CFAP92: variants seen among roughly 807,000 people sequenced by gnomAD.
CFAP92 encodes the protein cilia and flagella associated protein 92 (putative), also known as uncharacterized protein CFAP92.
In CFAP92, 86 loss-of-function variants were observed where a neutral mutation model predicts 106.3. The observed-to-expected ratio is 0.81, with a 90% CI of 0.68 to 0.97. The LOEUF (loss-of-function observed/expected upper bound fraction) is 0.97. Ranked by LOEUF, CFAP92 falls within the 50% of genes least tolerant of loss-of-function variation. The pLI, the probability that CFAP92 is intolerant of heterozygous loss-of-function variation, is 0.00. For missense variants in CFAP92, 1,204 were observed against 1,283.8 expected (o/e 0.94, Z 0.95); for synonymous variants, 477 against 506.4 (o/e 0.94, Z 0.78).
chr3:128,992,635 C>A (rs1340417983), intron 2 of CFAP92, among the ~76,000 whole-genome samples: 2 of 151,748 alleles, frequency 1.3e-5, no homozygotes, highest in Non-Finnish European at 2.9e-5. Flanking sequence ...AGTGCAATGG[C>A]GTGATCTCTG....
At chr3:128,981,102 T>A (rs1943503402) in intron 4 of CFAP92, among the ~76,000 whole-genome samples, 1 of 151,366 alleles carries the variant, frequency 6.6e-6, no homozygotes, top group Admixed American at 6.6e-5. Context: ...AGTGGTGCGA[T>A]CTCGGCTCAT....
In CFAP92 at chr3:128,935,166, C is replaced by T. The variant is rs1162959833; in HGVS notation, c.2412G>A (p.Leu804=). The T allele has an allele frequency of 1.3e-6, 2 of 1,535,410 alleles. No homozygotes were observed. The highest frequency in any genetic ancestry group is 1.7e-6 in the Non-Finnish European group (2 of 1,146,420). ...ELLLQQAVFF[L]RDTERRRVFQ... is the part of the protein sequence containing the mutation. The stretch of plus-strand genomic sequence containing the variant: ...AGACCCGCCTCCGCTCAGTGTCTCG[C>T]AGGAAGAACACCGCCTGCTGCAGCA... Residue 804 remains leucine (L), a synonymous_variant, in exon 11 of 16, where the codon CTG becomes CTA. Coordinates refer to ENST00000645291, the MANE Select transcript of CFAP92 (RefSeq NM_001394090.1).
chr3:128,998,737 G>A (rs141058686), upstream of CFAP92, among the ~76,000 whole-genome samples: 18 of 152,306 alleles, frequency 1.2e-4, no homozygotes, highest in Non-Finnish European at 1.8e-4. Context: ...CTCTGGAGCA[G>A]TGTCTGCAAA....
chr3:129,004,065 T>A, upstream of CFAP92: 1 of 1,509,326 alleles, frequency 6.6e-7, no homozygotes, highest in South Asian at 1.2e-5. Context: ...GAGGCGGAGC[T>A]GCAACGCTAC....
intron 12 of CFAP92, among the ~76,000 whole-genome samples, chr3:128,932,409 T>G (rs1165289935): frequency 6.9e-6 from 1 of 144,714 alleles, no homozygotes; most frequent in African/African-American, 2.7e-5. Flanking sequence ...GCCACAGTTC[T>G]TTCTCTACAA....
At position 128,945,810 on chromosome 3, in the gene CFAP92, T is replaced by TG. The variant is rs1269830199; in HGVS notation, c.1518dup (p.Met507HisfsTer48). 1.6e-5 allele frequency: 24 copies of TG among 1,523,688 alleles called. No individual in the cohort carries two copies. In the East Asian group the frequency reaches 3.2e-4, roughly 20 times the overall value. The allele number at this position is 1,523,688 out of a possible 1,614,324, so 94.4% of individuals were successfully genotyped here. ...TCCCGGTCGTGAACTTCCACCACCA[T>TG]GGGGGGGCCCTCCAGGTATTCCCTT... is the stretch of plus-strand genomic sequence containing the variant. On this transcript the variant is annotated frameshift_variant, in exon 10 of 16. Transcript: ENST00000645291. LOFTEE classifies it high-confidence loss of function.
At chr3:128,947,786 A>G (rs1940375716) in intron 9 of CFAP92, among the ~76,000 whole-genome samples, 1 of 152,192 alleles carries the variant, frequency 6.6e-6, no homozygotes, top group South Asian at 2.1e-4. Context: ...TCAACGAGCT[A>G]CAACTGCACC....
rs1017470374 is a variant in CFAP92, at chr3:128,987,477, G to A, written c.667+139C>T. On this transcript the variant is annotated intron_variant, in intron 4 of 15. Coordinates refer to ENST00000645291, the MANE Select transcript of CFAP92 (RefSeq NM_001394090.1). ...TCCTGTCACCACAGCATGGCCTGGT[G>A]GGATGCCCTGCAACATCTGCAAAAC... 7 of 696,242 alleles carry A rather than the reference G, an allele frequency of 1.0e-5. No individual in the cohort carries two copies. The Admixed American group carries it at 1.1e-4, about 11-fold the overall frequency. The allele number at this position is 696,242 out of a possible 1,614,324, so 43.1% of individuals were successfully genotyped here. A position where few individuals can be genotyped will look rare whatever the true frequency, so the allele number is the denominator to read the frequency against.
chr3:128,974,255 G>A (rs984041670), intron 7 of CFAP92, among the ~76,000 whole-genome samples: 2 of 152,218 alleles, frequency 1.3e-5, no homozygotes, highest in African/African-American at 2.4e-5. Flanking sequence ...GGAGAGATGA[G>A]GAAATGATCT....
chr3:128,984,082 G>A (rs1943699072), intron 4 of CFAP92, among the ~76,000 whole-genome samples: 1 of 152,228 alleles, frequency 6.6e-6, no homozygotes, highest in Non-Finnish European at 1.5e-5. Context: ...AGGTGGGGGT[G>A]CCCAGAATTG....
intron 12 of CFAP92, among the ~76,000 whole-genome samples, chr3:128,920,655 G>A (rs368061953): frequency 5.3e-5 from 8 of 152,082 alleles, no homozygotes; most frequent in Admixed American, 1.3e-4. Flanking sequence ...GAACATGTCC[G>A]GCGTCCAGGG....
intron 9 of CFAP92, among the ~76,000 whole-genome samples, chr3:128,964,011 A>G (rs1449851575): frequency 6.6e-6 from 1 of 152,192 alleles, no homozygotes; most frequent in Non-Finnish European, 1.5e-5. Flanking sequence ...AGGGTCTGAG[A>G]AGGCCACCGC....
intron 8 of CFAP92, chr3:128,967,862 C>T (rs188349473): frequency 6.6e-6 from 1 of 152,328 alleles, no homozygotes; most frequent in East Asian, 1.9e-4. Context: ...TTGGGGCAGA[C>T]CATTCTTTGC....
At chr3:128,927,615 T>G (rs1023491991) in intron 12 of CFAP92, among the ~76,000 whole-genome samples, 1 of 151,016 alleles carries the variant, frequency 6.6e-6, no homozygotes, top group Admixed American at 6.6e-5. Flanking sequence ...TCCCAGCTAC[T>G]CAGGAAGCTG....
chr3:128,970,773 A>G (rs1356117570), intron 8 of CFAP92: 1 of 154,468 alleles, frequency 6.5e-6, no homozygotes, highest in Admixed American at 6.5e-5. Flanking sequence ...TCACTGAAAA[A>G]AATGGTAACT....
At position 128,993,229 on chromosome 3, in the gene CFAP92, G is replaced by C; in HGVS notation, c.76C>G (p.Gln26Glu). 6.2e-7 allele frequency: 1 copy of C among 1,614,040 alleles called. No individual in the cohort carries two copies. Among genetic ancestry groups the C allele is most frequent in the Non-Finnish European group, 8.5e-7 (1 of 1,179,880 alleles). The change falls in exon 2 of 16, where the codon CAG becomes GAG. Residue 26 changes from glutamine (Q) to glutamate (E), a missense_variant. Gln to Glu is a conservative substitution (Grantham distance 29, BLOSUM62 2). Coordinates refer to ENST00000645291, the MANE Select transcript of CFAP92 (RefSeq NM_001394090.1). ...TCCACGTCACACTCGCTCGTGGACTGGTAAAAGCTAGTGATGGAGGAGATG... is the reference window on the plus strand; with the variant it reads ...TCCACGTCACACTCGCTCGTGGACTCGTAAAAGCTAGTGATGGAGGAGATG... ...EPISSITSFY[Q>E]STSECDVEEH...
chr3:128,951,116 T>C (rs150154330), intron 9 of CFAP92, among the ~76,000 whole-genome samples: 191 of 152,198 alleles, frequency 1.3e-3, no homozygotes, highest in African/African-American at 4.4e-3. Flanking sequence ...GCACCTGTAA[T>C]TCCAGCTGTT....
At position 128,965,558 on chromosome 3, in the gene CFAP92, A is replaced by C. The variant is rs969232349; in HGVS notation, c.1306T>G (p.Cys436Gly). The change falls in exon 9 of 16, where the codon TGT becomes GGT. Residue 436 changes from cysteine to glycine, a missense_variant. Physicochemically the swap from Cys to Gly is radical, Grantham distance 159. Transcript: ENST00000645291. Reference sequence around the variant, plus strand: ...GGCTGTGATGGAAGGCAGGAAGCACACTTGATCTTTATGGTCAGGGGATTT... The same window carrying C: ...GGCTGTGATGGAAGGCAGGAAGCACCCTTGATCTTTATGGTCAGGGGATTT... Reference protein sequence around the residue: ...DLNPLTIKIKCASCLPSQPVP... With the variant: ...DLNPLTIKIKGASCLPSQPVP... 2 of 398,882 alleles carry C rather than the reference A, an allele frequency of 5.0e-6. No homozygotes were observed. Among genetic ancestry groups the C allele is most frequent in the African/African-American group, 4.1e-5 (2 of 48,616 alleles). The allele number at this position is 398,882 out of a possible 1,614,324, so 24.7% of individuals were successfully genotyped here.
At chr3:128,992,869 C>A (rs1944301314) in intron 2 of CFAP92, among the ~76,000 whole-genome samples, 174 bp downstream of exon 2, 1 of 152,162 alleles carries the variant, frequency 6.6e-6, no homozygotes, top group African/African-American at 2.4e-5. Flanking sequence ...CACAGTTGGG[C>A]CTCTCCTAAA....
Sources: gnomAD v4.1 joint callset for allele counts (sites outside exome capture counted in the v4.1 genomes callset) on GRCh38, gnomAD v4.1.1 for gene constraint, MANE v1.5 for transcripts, NCBI Gene and HGNC (gene_info 2026-07-23, HGNC 2026-07-21) for gene names.